SLC6A17: variants seen among roughly 807,000 people sequenced by gnomAD.
SLC6A17 encodes the protein solute carrier family 6 member 17, also known as sodium-dependent neutral amino acid transporter SLC6A17.
A neutral mutation model predicts 64.5 loss-of-function variants in SLC6A17; 21 were observed. That is an observed-to-expected ratio of 0.33 (90% CI 0.23 to 0.47). The LOEUF (loss-of-function observed/expected upper bound fraction) is 0.47, where lower values mean the gene tolerates loss of function less well. Among genes scored for constraint, SLC6A17 ranks in the 20% least tolerant of loss-of-function variants. The pLI, the probability that SLC6A17 is intolerant of heterozygous loss-of-function variation, is 1.00. For missense variants in SLC6A17, 682 were observed against 963.2 expected (o/e 0.71, Z 3.86); for synonymous variants, 372 against 399.5 (o/e 0.93, Z 0.82).
At chr1:110,158,072 A>G (rs1655808594) in intron 1 of SLC6A17, among the ~76,000 whole-genome samples, 1 of 152,174 alleles carries the variant, frequency 6.6e-6, no homozygotes, top group Non-Finnish European at 1.5e-5. Context: ...ACTATAAATT[A>G]TATATTTGTC....
Position 110,167,233 on chromosome 1 carries a change from C to G in SLC6A17, c.286+18C>G. ...TGGAGGAGGTAAGAGACAGCTCTGCCTGCATCAGGGGTCCCCTGCAAATAG... is the reference window on the plus strand; with the variant it reads ...TGGAGGAGGTAAGAGACAGCTCTGCGTGCATCAGGGGTCCCCTGCAAATAG... On this transcript the variant is annotated intron_variant, in intron 2 of 11. Transcript: ENST00000331565. The G allele has an allele frequency of 1.2e-6, 2 of 1,600,450 alleles. No homozygotes were observed.
Position 110,194,747 on chromosome 1 carries a change from A to C in SLC6A17, c.1468A>C (p.Lys490Gln), listed in dbSNP as rs761994674. The change falls in exon 9 of 12, where the codon AAG becomes CAG. Residue 490 changes from lysine to glutamine, a missense_variant. Physicochemically the swap from Lys to Gln is moderately conservative, Grantham distance 53 (BLOSUM62 1). Transcript: ENST00000331565. ...GITTPIIDTF[K>Q]VPKEMFTVGC... ...CACCACGCCCATCATCGACACCTTCAAGGTGCCCAAGGAGATGTTCACAGG... is the reference window on the plus strand; with the variant it reads ...CACCACGCCCATCATCGACACCTTCCAGGTGCCCAAGGAGATGTTCACAGG... The C allele has an allele frequency of 6.2e-7, 1 of 1,613,812 alleles. No individual in the cohort carries two copies. Among genetic ancestry groups the C allele is most frequent in the South Asian group, 1.1e-5 (1 of 91,086 alleles).
chr1:110,198,825 T>G lies in SLC6A17; in HGVS notation c.*381T>G. ...TTGCCACCTGCAGTTCTTAGGGCTG[T>G]GGGGTCAGATGGTGGTGGTGAGAGG... On this transcript the variant is annotated 3_prime_UTR_variant, in exon 12 of 12. Transcript: ENST00000331565. 1 of 189,000 alleles carries G rather than the reference T, an allele frequency of 5.3e-6. No individual in the cohort carries two copies. Among genetic ancestry groups the G allele is most frequent in the Non-Finnish European group, 1.1e-5 (1 of 91,394 alleles). 11.7% of individuals were successfully genotyped at this position (189,000 alleles called of 1,614,324 possible).
intron 2 of SLC6A17, among the ~76,000 whole-genome samples, chr1:110,167,432 C>T (rs906492374): frequency 6.6e-6 from 1 of 152,126 alleles, no homozygotes; most frequent in African/African-American, 2.4e-5. Context: ...CCCCAGACTG[C>T]CTGGGTTCAG....
At chr1:110,167,539 A>T (rs553438907) in intron 2 of SLC6A17, among the ~76,000 whole-genome samples, 1 of 152,308 alleles carries the variant, frequency 6.6e-6, no homozygotes, top group African/African-American at 2.4e-5. Context: ...CTCCTGCCTC[A>T]TAGGATAGTT....
At position 110,151,274 on chromosome 1, in the gene SLC6A17, A is replaced by G. The variant is rs138859382; in HGVS notation, c.-88+391A>G. 5.8e-3 allele frequency among the ~76,000 whole-genome samples: 886 copies of G among 152,324 alleles called. 8 individuals carry two copies. The highest frequency in any genetic ancestry group is 0.018 in the African/African-American group (754 of 41,576). ...GCTTGAAACTGCGCGCCCAGGGCGC[A>G]GTTCCACTGGGAGCCTCTTACGCAG... On this transcript the variant is annotated intron_variant, in intron 1 of 11. Coordinates refer to ENST00000331565, the MANE Select transcript of SLC6A17 (RefSeq NM_001010898.4).
intron 6 of SLC6A17, chr1:110,177,967 A>T (rs1410433417): frequency 6.6e-6 from 1 of 152,258 alleles, no homozygotes; most frequent in Non-Finnish European, 1.5e-5. Flanking sequence ...TCAAAGGTCC[A>T]CTTTATGAAG....
chr1:110,173,892 C>T (rs1359742819), intron 3 of SLC6A17, 81 bp from the exon 4 acceptor site: 52 of 1,552,060 alleles, frequency 3.4e-5, no homozygotes, highest in Admixed American at 9.6e-5. Context: ...GCGCTGCCGA[C>T]GTGCTGGGCC....
Position 110,176,696 on chromosome 1 carries a change from T to C in SLC6A17, c.821T>C (p.Leu274Pro). 6.2e-7 allele frequency: 1 copy of C among 1,614,058 alleles called. No homozygotes were observed. Among genetic ancestry groups the C allele is most frequent in the Non-Finnish European group, 8.5e-7 (1 of 1,179,964 alleles). The change falls in exon 6 of 12, where the codon CTG becomes CCG. Residue 274 changes from leucine (L) to proline (P), a missense_variant. By Grantham distance (98) the Leu-to-Pro change is moderately conservative (BLOSUM62 -3). Transcript: ENST00000331565. ...LACFLVRGLL[L>P]RGAVDGILHM... ...TGCTTCCTGGTCCGGGGGCTGTTGC[T>C]GCGAGGGGCAGTTGATGGCATCCTA...
intron 2 of SLC6A17, among the ~76,000 whole-genome samples, chr1:110,170,278 A>G (rs568472848): frequency 3.9e-5 from 6 of 152,130 alleles, no homozygotes; most frequent in African/African-American, 1.2e-4. Context: ...AGGTCAGGAG[A>G]TCGAGACCAT....
intron 3 of SLC6A17, among the ~76,000 whole-genome samples, chr1:110,173,680 C>G (rs962258525): frequency 6.6e-6 from 1 of 152,224 alleles, no homozygotes; most frequent in East Asian, 1.9e-4. Flanking sequence ...CTTCAAGTAT[C>G]TTAGAAGAAT....
intron 1 of SLC6A17, among the ~76,000 whole-genome samples, chr1:110,161,343 C>T (rs1655904744): frequency 6.6e-6 from 1 of 152,134 alleles, no homozygotes; most frequent in African/African-American, 2.4e-5. Context: ...ACCAATTATA[C>T]CTGAGTTAGA....
chr1:110,172,106 C>A lies in SLC6A17; in HGVS notation c.333C>A (p.Ile111=). The change falls in exon 3 of 12, where the codon ATC becomes ATA. Residue 111 remains isoleucine, a synonymous_variant. Coordinates refer to ENST00000331565, the MANE Select transcript of SLC6A17 (RefSeq NM_001010898.4). ...TGGTGCTGCTGATCATCATCGGGATCCCCCTCTTCTTCCTGGAGCTGGCTG... is the reference window on the plus strand; with the variant it reads ...TGGTGCTGCTGATCATCATCGGGATACCCCTCTTCTTCCTGGAGCTGGCTG... ...PYLVLLIIIG[I]PLFFLELAVG... The A allele has an allele frequency of 3.1e-6, 5 of 1,614,124 alleles. No homozygotes were observed. Among genetic ancestry groups the A allele is most frequent in the Non-Finnish European group, 4.2e-6 (5 of 1,180,020 alleles).
At chr1:110,173,895 G>GTAGAT in intron 3 of SLC6A17, 78 bp from the exon 4 acceptor site, 3 of 1,525,546 alleles carry the variant, frequency 2.0e-6, no homozygotes, top group South Asian at 1.3e-5. Flanking sequence ...CTGCCGACGT[G>GTAGAT]CTGGGCCTCG....
At chr1:110,175,953 T>C (rs1359858268) in intron 5 of SLC6A17, among the ~76,000 whole-genome samples, 1 of 152,194 alleles carries the variant, frequency 6.6e-6, no homozygotes, top group Non-Finnish European at 1.5e-5. Flanking sequence ...AGGCCACATG[T>C]TGGTAAGTGG....
chr1:110,169,160 G>A (rs956600110), intron 2 of SLC6A17, among the ~76,000 whole-genome samples: 8 of 152,136 alleles, frequency 5.3e-5, no homozygotes, highest in Non-Finnish European at 8.8e-5. Context: ...AGCCATAGTC[G>A]ATGTAATCAA....
chr1:110,190,842 C>A (rs541082833), intron 6 of SLC6A17, among the ~76,000 whole-genome samples: 1 of 151,608 alleles, frequency 6.6e-6, no homozygotes, highest in African/African-American at 2.4e-5. Context: ...GGGCCGGGGG[C>A]GGGGGCCTGG....
intron 5 of SLC6A17, among the ~76,000 whole-genome samples, chr1:110,175,455 C>A (rs936124503): frequency 1.3e-5 from 2 of 152,156 alleles, no homozygotes; most frequent in Non-Finnish European, 2.9e-5. Context: ...GAGGGGTAGA[C>A]CAGCCAAGCC....
At chr1:110,155,075 C>T (rs1178494920) in intron 1 of SLC6A17, among the ~76,000 whole-genome samples, 1 of 152,116 alleles carries the variant, frequency 6.6e-6, no homozygotes, top group African/African-American at 2.4e-5. Context: ...CAGAACAGGC[C>T]CATGCTGTCC....
Sources: allele counts gnomAD v4.1 joint callset (sites outside exome capture counted in the v4.1 genomes callset), GRCh38; gene constraint gnomAD v4.1.1; transcripts MANE v1.5; gene names NCBI Gene and HGNC (gene_info 2026-07-23, HGNC 2026-07-21).